The following ARHGAP44 variants were observed in gnomAD, a reference collection of about 807,000 sequenced individuals.
The protein encoded by ARHGAP44 is rho GTPase-activating protein 44.
A neutral mutation model predicts 106.8 loss-of-function variants in ARHGAP44; 43 were observed. The observed-to-expected ratio is 0.40, with a 90% CI of 0.32 to 0.52. The LOEUF is 0.52. Among genes scored for constraint, ARHGAP44 ranks in the 20% least tolerant of loss-of-function variants. The probability of loss-of-function intolerance (pLI) is 0.48; values close to 1 mark genes in which losing one functional copy is unlikely to be tolerated. For missense variants in ARHGAP44, 866 were observed against 1,050.5 expected (o/e 0.82, Z 2.43); for synonymous variants, 439 against 410.3 (o/e 1.07, Z -0.85).
chr17:12,899,204 C>T lies in ARHGAP44; in HGVS notation c.198+2693C>T, dbSNP rs1443996922. ...CAGGATGGTCTTGATCTCTTGACCT[C>T]GTGATCTGCCCACCTAGGCCTCCCA... On this transcript the variant is annotated intron_variant, in intron 3 of 20. Transcript: ENST00000379672. Among the ~76,000 whole-genome samples the T allele has an allele frequency of 5.9e-5, 9 of 152,074 alleles. No homozygotes were observed. In the South Asian group the frequency reaches 1.0e-3, roughly 18 times the overall value.
chr17:12,793,361 C>G (rs1297350544), intron 1 of ARHGAP44, among the ~76,000 whole-genome samples: 1 of 152,206 alleles, frequency 6.6e-6, no homozygotes, highest in African/African-American at 2.4e-5. Context: ...AGACACTGCT[C>G]TGGTTCAGGG....
At chr17:12,885,150 C>T (rs1271684654) in intron 1 of ARHGAP44, among the ~76,000 whole-genome samples, 2 of 152,208 alleles carry the variant, frequency 1.3e-5, no homozygotes, top group Non-Finnish European at 2.9e-5. Context: ...CTGCCCTCCT[C>T]GGCCTCCCAA....
intron 17 of ARHGAP44, 96 bp from the exon 18 acceptor site, chr17:12,973,993 T>G (rs1386036036): frequency 1.5e-6 from 2 of 1,304,988 alleles, no homozygotes; most frequent in Admixed American, 4.0e-5. Flanking sequence ...TGCGCTGCTC[T>G]TCTCCCAACG....
chr17:12,814,947 G>T (rs1418803640), intron 1 of ARHGAP44, among the ~76,000 whole-genome samples: 3 of 152,104 alleles, frequency 2.0e-5, no homozygotes, highest in Non-Finnish European at 4.4e-5. Context: ...GGGTCAGATT[G>T]TTGTGAGGAA....
At chr17:12,810,217 C>T (rs967635455) in intron 1 of ARHGAP44, among the ~76,000 whole-genome samples, 5 of 152,176 alleles carry the variant, frequency 3.3e-5, no homozygotes, top group Non-Finnish European at 7.3e-5. Flanking sequence ...TAACAAATCA[C>T]CACAAACTGG....
Position 12,857,945 on chromosome 17 carries a change from A to G in ARHGAP44, c.54-36995A>G, listed in dbSNP as rs555846139. ...GATCACTAATAAGCTAGACCACCTTAGCCACTATTAGTGGCTTGAGGATTG... is the reference window on the plus strand; with the variant it reads ...GATCACTAATAAGCTAGACCACCTTGGCCACTATTAGTGGCTTGAGGATTG... On this transcript the variant is annotated intron_variant, in intron 1 of 20. Transcript: ENST00000379672. Among the ~76,000 whole-genome samples the G allele has an allele frequency of 2.6e-3, 398 of 152,224 alleles. 2 individuals are homozygous for G. The highest frequency in any genetic ancestry group is 7.9e-3 in the African/African-American group (328 of 41,536).
chr17:12,810,343 G>A (rs2034401291), intron 1 of ARHGAP44, among the ~76,000 whole-genome samples: 1 of 152,210 alleles, frequency 6.6e-6, no homozygotes, highest in Non-Finnish European at 1.5e-5. Flanking sequence ...TCTCTTCCAT[G>A]CTGGTTTAGG....
chr17:12,919,829 C>G lies in ARHGAP44; in HGVS notation c.462C>G (p.Thr154=), dbSNP rs369626013. The G allele has an allele frequency of 5.6e-6, 9 of 1,610,958 alleles. No homozygotes were observed. Among genetic ancestry groups the G allele is most frequent in the Non-Finnish European group, 7.6e-6 (9 of 1,178,740 alleles). Residue 154 remains threonine, a splice_region_variant and synonymous_variant, in exon 6 of 21, where the codon ACC becomes ACG. Transcript: ENST00000379672. ...KLVLDMDSSR[T]RWQQTSKSSG... ...TGCTGGACATGGATTCCTCACGAAC[C>G]AGGTAGAATCTCTTTACTTTCTTTT...
intron 1 of ARHGAP44, among the ~76,000 whole-genome samples, chr17:12,829,529 G>A (rs1190756691): frequency 6.6e-6 from 1 of 151,990 alleles, no homozygotes; most frequent in Non-Finnish European, 1.5e-5. Flanking sequence ...TTTAAACCTG[G>A]ATTTTAAGTC....
intron 6 of ARHGAP44, among the ~76,000 whole-genome samples, chr17:12,926,491 TA>T (rs2038247640): frequency 7.0e-6 from 1 of 143,166 alleles, no homozygotes; most frequent in South Asian, 2.1e-4. Context: ...TATGTATGTA[TA>T]ATATATGTAT....
rs555382811 is a variant in ARHGAP44 at position 12,982,405 on chromosome 17, G to A, written c.1940-2126G>A. Among the ~76,000 whole-genome samples, 44 of 151,366 alleles carry A rather than the reference G, an allele frequency of 2.9e-4. No individual in the cohort carries two copies. In the East Asian group the frequency reaches 4.3e-3, roughly 15 times the overall value. On this transcript the variant is annotated intron_variant, in intron 19 of 20. Transcript: ENST00000379672. The stretch of plus-strand genomic sequence containing the variant: ...CCTGTCACCACCGGAAGTGGTAAAT[G>A]TCATCACAGACATGGTGATGCATCC...
intron 1 of ARHGAP44, among the ~76,000 whole-genome samples, chr17:12,854,547 A>G (rs1255298932): frequency 6.6e-6 from 1 of 152,218 alleles, no homozygotes; most frequent in African/African-American, 2.4e-5. Flanking sequence ...GACACAACTA[A>G]TAAAGAAAGT....
intron 10 of ARHGAP44, among the ~76,000 whole-genome samples, chr17:12,946,470 A>T (rs2143035332): frequency 7.5e-6 from 1 of 133,362 alleles, no homozygotes; most frequent in African/African-American, 3.0e-5. Context: ...ACATAGTGAG[A>T]TGCTCTCTAA....
chr17:12,965,632 G>A (rs1277746240), intron 16 of ARHGAP44, among the ~76,000 whole-genome samples: 3 of 152,208 alleles, frequency 2.0e-5, no homozygotes, highest in African/African-American at 7.2e-5. Flanking sequence ...TGAAGCACAT[G>A]ATCAACACAT....
At chr17:12,809,089 C>T (rs895787100) in intron 1 of ARHGAP44, among the ~76,000 whole-genome samples, 8 of 152,160 alleles carry the variant, frequency 5.3e-5, no homozygotes, top group Non-Finnish European at 8.8e-5. Context: ...AAACACAGCA[C>T]GAGTCACCTT....
intron 1 of ARHGAP44, among the ~76,000 whole-genome samples, chr17:12,824,804 C>G (rs2034871966): frequency 6.6e-6 from 1 of 151,634 alleles, no homozygotes; most frequent in Non-Finnish European, 1.5e-5. Context: ...TGCTTCTGCA[C>G]TTCTCTACCT....
rs550595966 is a variant in ARHGAP44 at position 12,888,211 on chromosome 17, G to C, written c.54-6729G>C. Among the ~76,000 whole-genome samples the C allele has an allele frequency of 9.2e-5, 14 of 151,912 alleles. No homozygotes were observed. The South Asian group carries it at 2.9e-3, about 32-fold the overall frequency. The stretch of plus-strand genomic sequence containing the variant: ...TGGAGTAGGATCTTTTATTGACTTG[G>C]AACTATTCTTTTCTAATGTATAGAT... On this transcript the variant is annotated intron_variant, in intron 1 of 20. Coordinates refer to ENST00000379672, the MANE Select transcript of ARHGAP44 (RefSeq NM_014859.6).
chr17:12,789,658 G>A lies in ARHGAP44; in HGVS notation c.-181G>A. The A allele has an allele frequency of 2.6e-6, 1 of 383,184 alleles. No individual in the cohort carries two copies. The highest frequency in any genetic ancestry group is 4.5e-6 in the Non-Finnish European group (1 of 222,820). 23.7% of individuals were successfully genotyped at this position (383,184 alleles called of 1,614,324 possible). On this transcript the variant is annotated 5_prime_UTR_variant, in exon 1 of 21. Transcript: ENST00000379672. ...GATGCGGCAGGAGGCGGCGCGGCGG[G>A]AGGAGTAGGCGGCGGCGCCCTCGGG...
chr17:12,907,474 T>C (rs141786137), intron 3 of ARHGAP44, among the ~76,000 whole-genome samples: 1 of 152,342 alleles, frequency 6.6e-6, no homozygotes, highest in African/African-American at 2.4e-5. Flanking sequence ...AGTCCTTCCC[T>C]ATTTTACTCA....
Sources: gnomAD v4.1 joint callset for allele counts (sites outside exome capture counted in the v4.1 genomes callset) on GRCh38, gnomAD v4.1.1 for gene constraint, MANE v1.5 for transcripts, NCBI Gene and HGNC (gene_info 2026-07-23, HGNC 2026-07-21) for gene names.